FAM83A: variants seen among roughly 807,000 people sequenced by gnomAD.
The protein encoded by FAM83A is protein FAM83A.
Under a neutral mutation model 24.4 loss-of-function variants are expected in FAM83A, and 21 were observed. That is an observed-to-expected ratio of 0.86 (90% confidence interval 0.61 to 1.24). FAM83A has a LOEUF of 1.24. FAM83A is among the 50% of genes most tolerant of loss of function. The pLI is 0.00. For synonymous variants in FAM83A, 270 were observed against 252.4 expected, an observed-to-expected ratio of 1.07 and a Z score of -0.66; for missense variants, 617 against 579.8, an observed-to-expected ratio of 1.06 and a Z score of -0.66.
At chr8:123,191,148 T>C (rs1293075698) in intron 1 of FAM83A, among the ~76,000 whole-genome samples, 1 of 152,150 alleles carries the variant, frequency 6.6e-6, no homozygotes, top group Non-Finnish European at 1.5e-5. Context: ...TGGGATGCTG[T>C]TGACAGAAGA....
chr8:123,191,701 G>A (rs1023581198), intron 1 of FAM83A, 102 bp from the exon 2 acceptor site: 6 of 1,270,162 alleles, frequency 4.7e-6, no homozygotes, highest in Non-Finnish European at 6.7e-6. Context: ...GGCCCAATGG[G>A]AACAGCTCTC....
chr8:123,182,823 C>T lies in FAM83A; in HGVS notation c.-34C>T, dbSNP rs779334649. 4.0e-6 allele frequency: 6 copies of T among 1,512,760 alleles called. No homozygotes were observed. In the South Asian group the frequency reaches 8.1e-5, roughly 20 times the overall value. 93.7% of individuals were successfully genotyped at this position (1,512,760 alleles called of 1,614,324 possible). A position where few individuals can be genotyped will look rare whatever the true frequency, so the allele number is the denominator to read the frequency against. Reference sequence around the variant, plus strand: ...CCCACATCTGGAGGAGCTGACGTGCCAGCCTCCCCCAGCACCACCCAGGGA... The same window carrying T: ...CCCACATCTGGAGGAGCTGACGTGCTAGCCTCCCCCAGCACCACCCAGGGA... On this transcript the variant is annotated 5_prime_UTR_variant, in exon 1 of 4. Transcript: ENST00000690554.
At chr8:123,190,974 T>A (rs1823955206) in intron 1 of FAM83A, among the ~76,000 whole-genome samples, 5 of 152,172 alleles carry the variant, frequency 3.3e-5, no homozygotes, top group Non-Finnish European at 7.3e-5. Flanking sequence ...ATAACTTAGA[T>A]CATGTGACCA....
chr8:123,197,748 A>AGAAATCAAAGAACAGGTGCAGTTT (rs1383160097), intron 3 of FAM83A, among the ~76,000 whole-genome samples: 1 of 152,236 alleles, frequency 6.6e-6, no homozygotes, highest in Non-Finnish European at 1.5e-5. Context: ...GGATTCCCGA[A>AGAAATCAAAGAACAGGTGCAGTTT]GAAATCAAAG....
intron 3 of FAM83A, 59 bp downstream of exon 3, chr8:123,194,207 G>A: frequency 6.2e-7 from 1 of 1,601,062 alleles, no homozygotes; most frequent in East Asian, 2.2e-5. Context: ...TGAGTGAGGT[G>A]CAGACCAGCT....
At chr8:123,204,313 G>A (rs904212749) in intron 3 of FAM83A, among the ~76,000 whole-genome samples, 1 of 152,140 alleles carries the variant, frequency 6.6e-6, no homozygotes, top group Non-Finnish European at 1.5e-5. Context: ...CTTTTAGGTA[G>A]TGGGTTCATA....
chr8:123,182,938 G>C, exon 1 of FAM83A: 2 of 1,592,222 alleles, frequency 1.3e-6, no homozygotes, highest in Non-Finnish European at 1.7e-6. Flanking sequence ...AGCCAGGGCT[G>C]ACTTTAGTGA....
intron 3 of FAM83A, among the ~76,000 whole-genome samples, chr8:123,203,335 C>T: frequency 6.6e-6 from 1 of 151,572 alleles, no homozygotes; most frequent in East Asian, 1.9e-4. Flanking sequence ...CATCTGTAAT[C>T]CCAGCACCTT....
intron 3 of FAM83A, among the ~76,000 whole-genome samples, chr8:123,203,404 A>G (rs1824425944): frequency 2.0e-5 from 3 of 152,092 alleles, no homozygotes; most frequent in East Asian, 3.9e-4. Context: ...CCTGGCCAAC[A>G]TGGTAAAATC....
intron 3 of FAM83A, 74 bp downstream of exon 3, chr8:123,194,222 C>A (rs1465126039): frequency 1.3e-6 from 2 of 1,581,892 alleles, no homozygotes; most frequent in Admixed American, 1.7e-5. Context: ...CCAGCTCCCG[C>A]TGCTCAGACA....
chr8:123,204,472 A>G lies in FAM83A; in HGVS notation c.774-2685A>G, dbSNP rs536034654. ...TATGGGCCAAACAACAATAGAAATA[A>G]AATGTATTGGCCGGGCGCAGTGGCT... is the stretch of plus-strand genomic sequence containing the variant. On this transcript the variant is annotated intron_variant, in intron 3 of 3. Coordinates refer to ENST00000690554, the Ensembl canonical transcript of FAM83A. Among the ~76,000 whole-genome samples the G allele has an allele frequency of 9.8e-5, 15 of 152,302 alleles. No homozygotes were observed. The South Asian group carries it at 3.1e-3, about 32-fold the overall frequency.
At chr8:123,207,868 TG>T in exon 4 of FAM83A, 1 of 1,380,596 alleles carries the variant, frequency 7.2e-7, no homozygotes, top group South Asian at 1.8e-5. Context: ...CACCAGTTCT[TG>T]GGTTCCCCGC....
At chr8:123,188,971 AATC>A (rs1335960032) in intron 1 of FAM83A, among the ~76,000 whole-genome samples, 1 of 152,218 alleles carries the variant, frequency 6.6e-6, no homozygotes, top group Non-Finnish European at 1.5e-5. Context: ...GTCTCTGTTC[AATC>A]ACCAGCTCAC....
chr8:123,191,664 C>G, intron 1 of FAM83A, 139 bp from the exon 2 acceptor site: 1 of 846,806 alleles, frequency 1.2e-6, no homozygotes, highest in African/African-American at 1.7e-5. Flanking sequence ...CCCAGTCAGA[C>G]CCACTCTACC....
chr8:123,205,866 C>G (rs917748415), intron 3 of FAM83A, among the ~76,000 whole-genome samples: 1 of 152,048 alleles, frequency 6.6e-6, no homozygotes, highest in Non-Finnish European at 1.5e-5. Context: ...GGAAACAGGC[C>G]GGGCGCGGTG....
intron 1 of FAM83A, among the ~76,000 whole-genome samples, chr8:123,183,569 C>T (rs926128583): frequency 6.6e-6 from 1 of 152,164 alleles, no homozygotes; most frequent in African/African-American, 2.4e-5. Flanking sequence ...GCAATCGCTT[C>T]CTGCCTGGCC....
At chr8:123,202,811 T>A (rs1435670182) in intron 3 of FAM83A, 1 of 152,294 alleles carries the variant, frequency 6.6e-6, no homozygotes, top group African/African-American at 2.4e-5. Context: ...TAAAGGATGT[T>A]CTGGAAATTA....
intron 1 of FAM83A, 50 bp downstream of exon 1, chr8:123,183,386 G>T: frequency 6.4e-7 from 1 of 1,570,144 alleles, no homozygotes. Context: ...AGGGAGGATC[G>T]GGGGCTGATA....
chr8:123,205,870 C>T (rs949207347), intron 3 of FAM83A, among the ~76,000 whole-genome samples: 10 of 152,214 alleles, frequency 6.6e-5, no homozygotes, highest in South Asian at 2.1e-4. Context: ...ACAGGCCGGG[C>T]GCGGTGGCTC....
Sources: allele counts gnomAD v4.1 joint callset (sites outside exome capture counted in the v4.1 genomes callset), GRCh38; gene constraint gnomAD v4.1.1; transcripts MANE v1.5; gene names NCBI Gene and HGNC (gene_info 2026-07-23, HGNC 2026-07-21).